The following ZNF98 variants were observed in gnomAD, a reference collection of about 807,000 sequenced individuals.
ZNF98 encodes zinc finger protein 98.
Under a neutral mutation model 12.8 loss-of-function variants are expected in ZNF98, and 8 were observed. The observed-to-expected ratio is 0.63, with a 90% CI of 0.37 to 1.13. ZNF98 has a LOEUF of 1.13. Among genes scored for constraint, ZNF98 ranks in the 50% most tolerant of loss-of-function variants. The pLI, the probability that ZNF98 is intolerant of heterozygous loss-of-function variation, is 0.01. For synonymous variants in ZNF98, 112 were observed against 223.5 expected (o/e 0.50, Z 4.45); for missense variants, 379 against 666.1 (o/e 0.57, Z 4.74).
rs1320996213 is a variant in ZNF98 at position 22,391,286 on chromosome 19, T to C, written c.*230A>G. 1.2e-6 allele frequency: 1 copy of C among 866,512 alleles called. No homozygotes were observed. The highest frequency in any genetic ancestry group is 1.7e-6 in the Non-Finnish European group (1 of 599,670). The allele number at this position is 866,512 out of a possible 1,614,324, so 53.7% of individuals were successfully genotyped here. On this transcript the variant is annotated 3_prime_UTR_variant, in exon 4 of 4. Transcript: ENST00000357774. ...CACCTTTAATGCTATTAAGTATAAA[T>C]TCTCTGATGCTGAATAAGATGTGTG... is the stretch of plus-strand genomic sequence containing the variant.
intron 1 of ZNF98, among the ~76,000 whole-genome samples, chr19:22,403,972 G>C (rs2145114612): frequency 6.6e-6 from 1 of 152,384 alleles, no homozygotes. Flanking sequence ...TGTAATCCCA[G>C]CACTTTGGGA....
At chr19:22,403,618 T>C (rs977367481) in intron 1 of ZNF98, 106 bp from the exon 2 acceptor site, 6 of 1,046,972 alleles carry the variant, frequency 5.7e-6, no homozygotes, top group Middle Eastern at 2.1e-4. Flanking sequence ...TTCTTACTTA[T>C]AGGAGTGACT....
At position 22,422,316 on chromosome 19, in the gene ZNF98, A is replaced by T; in HGVS notation, c.-92T>A. 1.3e-6 allele frequency: 2 copies of T among 1,516,070 alleles called. No individual in the cohort carries two copies. The highest frequency in any genetic ancestry group is 2.2e-5 in the South Asian group (2 of 89,198). The allele number at this position is 1,516,070 out of a possible 1,614,324, so 93.9% of individuals were successfully genotyped here. A position where few individuals can be genotyped will look rare whatever the true frequency, so the allele number is the denominator to read the frequency against. On this transcript the variant is annotated 5_prime_UTR_variant, in exon 1 of 4. Transcript: ENST00000357774. ...GACACAGAAGGGCGAAGACGAGACC[A>T]GGAACTCCGGCTGCAGCGAGAGACA...
chr19:22,414,394 A>C (rs2145121263), intron 1 of ZNF98, among the ~76,000 whole-genome samples: 1 of 152,298 alleles, frequency 6.6e-6, no homozygotes, highest in Non-Finnish European at 1.5e-5. Flanking sequence ...AAAAACTTTT[A>C]AAACTTATAT....
At position 22,403,274 on chromosome 19, in the gene ZNF98, A is replaced by AC. The variant is rs1568293222; in HGVS notation, c.157+111_157+112insG. The AC allele has an allele frequency of 5.5e-4, 709 of 1,299,444 alleles. 5 individuals are homozygous for AC. Among genetic ancestry groups the AC allele is most frequent in the Non-Finnish European group, 6.2e-4 (596 of 959,166 alleles). The allele number at this position is 1,299,444 out of a possible 1,614,324, so 80.5% of individuals were successfully genotyped here. On this transcript the variant is annotated intron_variant, in intron 2 of 3. Coordinates refer to ENST00000357774, the MANE Select transcript of ZNF98 (RefSeq NM_001098626.2). ...TCTTGAAGTTAAAAAAAAAAAACAA[A>AC]AAAAAAAAACAGAGATCTGAAAGCA...
Position 22,391,293 on chromosome 19 carries a change from A to C in ZNF98, c.*223T>G, listed in dbSNP as rs1479994286. The C allele has an allele frequency of 3.3e-6, 3 of 910,008 alleles. No individual in the cohort carries two copies. In the African/African-American group the frequency reaches 5.1e-5, roughly 15 times the overall value. The allele number at this position is 910,008 out of a possible 1,614,324, so 56.4% of individuals were successfully genotyped here. On this transcript the variant is annotated 3_prime_UTR_variant, in exon 4 of 4. Coordinates refer to ENST00000357774, the MANE Select transcript of ZNF98 (RefSeq NM_001098626.2). ...AATGCTATTAAGTATAAATTCTCTG[A>C]TGCTGAATAAGATGTGTGCAGATAT...
chr19:22,395,933 T>C (rs1969388116), intron 3 of ZNF98, among the ~76,000 whole-genome samples: 1 of 149,614 alleles, frequency 6.7e-6, no homozygotes, highest in Non-Finnish European at 1.5e-5. Flanking sequence ...TCCTGCCACA[T>C]AAAAAGAAAA....
rs534312773 is a variant in ZNF98, at chr19:22,405,183, T to C, written c.31-1671A>G. 1.1e-3 allele frequency among the ~76,000 whole-genome samples: 165 copies of C among 149,534 alleles called. 1 individual carries two copies. The highest frequency in any genetic ancestry group is 3.4e-3 in the Middle Eastern group (1 of 290). ...ACTCATTAGGAAGAAAAAGCACATG[T>C]AGAAAAGTAAAGCTTTGCAAGTACT... On this transcript the variant is annotated intron_variant, in intron 1 of 3. Coordinates refer to ENST00000357774, the MANE Select transcript of ZNF98 (RefSeq NM_001098626.2).
chr19:22,412,731 G>A (rs1339722541), intron 1 of ZNF98, among the ~76,000 whole-genome samples: 1 of 152,034 alleles, frequency 6.6e-6, no homozygotes, highest in African/African-American at 2.4e-5. Flanking sequence ...GATCGAGTAG[G>A]GTTTATTTTT....
intron 3 of ZNF98, among the ~76,000 whole-genome samples, chr19:22,399,087 T>C (rs1463299215): frequency 6.6e-6 from 1 of 152,182 alleles, no homozygotes; most frequent in Non-Finnish European, 1.5e-5. Context: ...AATAAACTTA[T>C]GTTAAGAAAC....
intron 1 of ZNF98, among the ~76,000 whole-genome samples, chr19:22,415,788 A>C (rs1344726009): frequency 1.3e-5 from 2 of 151,754 alleles, no homozygotes; most frequent in Non-Finnish European, 2.9e-5. Flanking sequence ...CCTGTCTTCA[A>C]AAATAAAATA....
intron 3 of ZNF98, chr19:22,402,449 G>C (rs1446055433): frequency 7.4e-6 from 3 of 406,826 alleles, no homozygotes; most frequent in Non-Finnish European, 1.3e-5. Flanking sequence ...GTTTAACATA[G>C]AGTTTCTCAA....
intron 3 of ZNF98, among the ~76,000 whole-genome samples, chr19:22,400,598 T>C (rs1459281733): frequency 6.6e-6 from 1 of 151,224 alleles, no homozygotes; most frequent in East Asian, 2.0e-4. Flanking sequence ...TACAAACCCA[T>C]AGGACATCCC....
intron 1 of ZNF98, among the ~76,000 whole-genome samples, chr19:22,415,687 A>G: frequency 6.6e-6 from 1 of 151,858 alleles, no homozygotes. Flanking sequence ...GGGGGGCTAA[A>G]GTAAAAGAAG....
intron 3 of ZNF98, among the ~76,000 whole-genome samples, chr19:22,400,883 G>A (rs1326871516): frequency 6.8e-6 from 1 of 146,768 alleles, no homozygotes; most frequent in Non-Finnish European, 1.5e-5. Context: ...AACCTGGGAG[G>A]TGGAGGTTGC....
intron 1 of ZNF98, among the ~76,000 whole-genome samples, chr19:22,418,292 G>A (rs994196928): frequency 2.0e-5 from 3 of 151,956 alleles, no homozygotes; most frequent in South Asian, 2.1e-4. Context: ...AGAGCTACTC[G>A]CAGAACTCAG....
At chr19:22,414,417 G>C (rs575031311) in intron 1 of ZNF98, among the ~76,000 whole-genome samples, 2 of 151,968 alleles carry the variant, frequency 1.3e-5, no homozygotes, top group South Asian at 4.2e-4. Flanking sequence ...TACCAAGAAA[G>C]GGCCCAAATA....
chr19:22,402,175 C>CAAAAAAAAAAAA (rs869111485), intron 3 of ZNF98, among the ~76,000 whole-genome samples: 46 of 60,418 alleles, frequency 7.6e-4, no homozygotes, highest in Non-Finnish European at 9.6e-4. Context: ...GACTCCATCT[C>CAAAAAAAAAAAA]AAAAAAAAAA....
intron 3 of ZNF98, among the ~76,000 whole-genome samples, chr19:22,394,279 G>A (rs564801483): frequency 1.3e-5 from 2 of 149,068 alleles, no homozygotes; most frequent in East Asian, 2.0e-4. Context: ...ACAGTGTTGC[G>A]ATTCCTCAAG....
Sources: allele counts gnomAD v4.1 joint callset (sites outside exome capture counted in the v4.1 genomes callset), GRCh38; gene constraint gnomAD v4.1.1; transcripts MANE v1.5; gene names NCBI Gene and HGNC (gene_info 2026-07-23, HGNC 2026-07-21).